Variants in CDH4 observed in about 807,000 individuals in gnomAD.
CDH4 encodes cadherin-4.
CDH4 carries 33 observed loss-of-function variants against 86.0 expected under a neutral mutation model. The observed-to-expected ratio is 0.38, with a 90% confidence interval of 0.29 to 0.51. The LOEUF (loss-of-function observed/expected upper bound fraction) is 0.51. Ranked by LOEUF, CDH4 falls within the 20% of genes least tolerant of loss-of-function variation. The pLI, the probability that CDH4 is intolerant of heterozygous loss-of-function variation, is 0.86. For synonymous variants in CDH4, 555 were observed against 549.4 expected (o/e 1.01, Z -0.14); for missense variants, 1,114 against 1,307.4 (o/e 0.85, Z 2.28).
At chr20:61,255,035 C>A in intron 2 of CDH4, 98 bp downstream of exon 2, 1 of 772,314 alleles carries the variant, frequency 1.3e-6, no homozygotes, top group Non-Finnish European at 2.3e-6. Flanking sequence ...CATCTTTGTG[C>A]TCTCTGTGAA....
At chr20:61,745,200 C>G (rs1190973682) in intron 3 of CDH4, among the ~76,000 whole-genome samples, 1 of 152,178 alleles carries the variant, frequency 6.6e-6, no homozygotes, top group Non-Finnish European at 1.5e-5. Context: ...CAAGCAGATT[C>G]CTTTCCGTGG....
At chr20:61,576,870 G>C (rs893171825) in intron 2 of CDH4, among the ~76,000 whole-genome samples, 2 of 152,192 alleles carry the variant, frequency 1.3e-5, no homozygotes, top group Non-Finnish European at 2.9e-5. Context: ...TCCACAGTTA[G>C]CCCCATTAAT....
At chr20:61,591,100 A>T (rs2086516380) in intron 2 of CDH4, among the ~76,000 whole-genome samples, 1 of 152,082 alleles carries the variant, frequency 6.6e-6, no homozygotes, top group African/African-American at 2.4e-5. Context: ...TCCATTGATA[A>T]GTACCAGGGC....
At chr20:61,258,380 T>C (rs1600811738) in intron 2 of CDH4, among the ~76,000 whole-genome samples, 1 of 146,800 alleles carries the variant, frequency 6.8e-6, no homozygotes, top group South Asian at 2.2e-4. Context: ...ATGTTTCTAA[T>C]GACTTAACGT....
At chr20:61,538,947 G>T (rs1241408644) in intron 2 of CDH4, among the ~76,000 whole-genome samples, 1 of 152,232 alleles carries the variant, frequency 6.6e-6, no homozygotes, top group Non-Finnish European at 1.5e-5. Flanking sequence ...CCTGATGCCA[G>T]GTACAGGAGG....
At chr20:61,335,088 G>A (rs941560273) in intron 2 of CDH4, among the ~76,000 whole-genome samples, 4 of 152,190 alleles carry the variant, frequency 2.6e-5, no homozygotes, top group African/African-American at 9.7e-5. Context: ...GTGGTTTCGT[G>A]TTGTTCAGCA....
chr20:61,292,016 C>T (rs923252783), intron 2 of CDH4, among the ~76,000 whole-genome samples: 1 of 152,108 alleles, frequency 6.6e-6, no homozygotes. Flanking sequence ...TCTGTTCCTG[C>T]GTAAGTTTGC....
intron 2 of CDH4, among the ~76,000 whole-genome samples, chr20:61,559,092 G>A (rs2086197480): frequency 6.6e-6 from 1 of 152,214 alleles, no homozygotes; most frequent in Non-Finnish European, 1.5e-5. Context: ...GCTGAGGTGG[G>A]CGGAGCATGA....
intron 2 of CDH4, among the ~76,000 whole-genome samples, chr20:61,320,179 A>G (rs556102646): frequency 6.6e-5 from 10 of 152,198 alleles, no homozygotes; most frequent in African/African-American, 2.2e-4. Context: ...TGCAGGGCCT[A>G]TGGATTTCCA....
chr20:61,376,361 G>A (rs1011859956), intron 2 of CDH4, among the ~76,000 whole-genome samples: 1 of 152,136 alleles, frequency 6.6e-6, no homozygotes, highest in Admixed American at 6.5e-5. Context: ...CCAGGGGAAG[G>A]AGGGCAAGAG....
At chr20:61,476,963 A>G (rs2085539843) in intron 2 of CDH4, among the ~76,000 whole-genome samples, 1 of 152,332 alleles carries the variant, frequency 6.6e-6, no homozygotes, top group East Asian at 1.9e-4. Context: ...AGACCACAGA[A>G]GCCCCGGGAG....
intron 4 of CDH4, among the ~76,000 whole-genome samples, chr20:61,794,142 CAAAA>C (rs59426596): frequency 8.2e-6 from 1 of 121,672 alleles, no homozygotes; most frequent in Non-Finnish European, 1.7e-5. Flanking sequence ...GACTCTATCT[CAAAA>C]AAAAAAAAAA....
intron 6 of CDH4, among the ~76,000 whole-genome samples, chr20:61,862,398 T>G (rs1361013080): frequency 6.6e-6 from 1 of 152,188 alleles, no homozygotes; most frequent in African/African-American, 2.4e-5. Context: ...GTGGACTCAT[T>G]CTGCAAGATG....
intron 11 of CDH4, among the ~76,000 whole-genome samples, chr20:61,926,178 C>T (rs1366351423): frequency 1.3e-5 from 2 of 152,176 alleles, no homozygotes; most frequent in Non-Finnish European, 2.9e-5. Flanking sequence ...AGGCAGTGAC[C>T]AGGGGCTCCG....
intron 2 of CDH4, among the ~76,000 whole-genome samples, chr20:61,367,713 A>C (rs532340672): frequency 6.6e-6 from 1 of 152,310 alleles, no homozygotes; most frequent in East Asian, 1.9e-4. Context: ...TGAGAAGGGA[A>C]TCATGGAATG....
intron 2 of CDH4, among the ~76,000 whole-genome samples, chr20:61,326,550 T>C (rs1324137619): frequency 6.6e-6 from 1 of 152,050 alleles, no homozygotes; most frequent in East Asian, 1.9e-4. Flanking sequence ...TAAAAGAAAA[T>C]CAAACTAGCC....
chr20:61,543,732 C>T (rs911096238), intron 2 of CDH4, among the ~76,000 whole-genome samples: 2 of 152,200 alleles, frequency 1.3e-5, no homozygotes, highest in African/African-American at 2.4e-5. Flanking sequence ...CTGTAAAGTG[C>T]TCTTCTCTTA....
intron 2 of CDH4, among the ~76,000 whole-genome samples, chr20:61,526,622 A>G (rs939501882): frequency 7.4e-5 from 11 of 149,344 alleles, no homozygotes; most frequent in Non-Finnish European, 1.0e-4. Context: ...AGCATTAGGT[A>G]TATCTCCCAA....
rs1036306631 is a variant in CDH4 at position 61,353,267 on chromosome 20, G to A, written c.169+98330G>A. ...TCAAGGTTGTGAATGGGGATCTGGG[G>A]GTGCAGAGGTGCCAGGGTCTCTGGA... On this transcript the variant is annotated intron_variant, in intron 2 of 15. Transcript: ENST00000614565. Among the ~76,000 whole-genome samples the A allele has an allele frequency of 1.6e-4, 14 of 85,258 alleles. 1 individual carries two copies. The allele number at this position is 85,258 out of a possible 152,430, so 55.9% of individuals were successfully genotyped here. A position where few individuals can be genotyped will look rare whatever the true frequency, so the allele number is the denominator to read the frequency against.
Sources: allele counts gnomAD v4.1 joint callset (sites outside exome capture counted in the v4.1 genomes callset), GRCh38; gene constraint gnomAD v4.1.1; transcripts MANE v1.5; gene names NCBI Gene and HGNC (gene_info 2026-07-23, HGNC 2026-07-21).